Variants in COL4A6 observed in about 807,000 individuals in gnomAD.
COL4A6 encodes the protein collagen type IV alpha 6 chain, also known as collagen alpha-6(IV) chain.
A neutral mutation model predicts 126.7 loss-of-function variants in COL4A6; 59 were observed. That is an observed-to-expected ratio of 0.47 (90% CI 0.38 to 0.58). The LOEUF (loss-of-function observed/expected upper bound fraction) is 0.58. Ranked by LOEUF, COL4A6 falls within the 20% of genes least tolerant of loss-of-function variation. The probability of loss-of-function intolerance (pLI) is 0.00; values close to 1 mark genes in which losing one functional copy is unlikely to be tolerated. For missense variants in COL4A6, 1,285 were observed against 1,337.3 expected, an observed-to-expected ratio of 0.96 and a Z score of 0.61; for synonymous variants, 547 against 496.6, an observed-to-expected ratio of 1.10 and a Z score of -1.35.
chrX:108,407,279 T>C (rs180894012), intron 2 of COL4A6, among the ~76,000 whole-genome samples: 60 of 112,384 alleles, frequency 5.3e-4, no homozygotes, highest in African/African-American at 1.9e-3. Context: ...CAGAGGATAT[T>C]AAGGCCTTCA....
intron 3 of COL4A6, among the ~76,000 whole-genome samples, chrX:108,270,608 T>C (rs1253104330): frequency 9.0e-6 from 1 of 111,716 alleles, no homozygotes; most frequent in Non-Finnish European, 1.9e-5. Context: ...AGCCACTGGG[T>C]TTTGGAGTGG....
intron 3 of COL4A6, chrX:108,268,939 C>T: frequency 3.9e-6 from 1 of 259,086 alleles, no homozygotes; most frequent in Non-Finnish European, 7.3e-6. Context: ...GTTCTACCAT[C>T]ATAGAGGCCA....
intron 8 of COL4A6, among the ~76,000 whole-genome samples, chrX:108,206,954 G>A: frequency 9.0e-6 from 1 of 111,414 alleles, no homozygotes; most frequent in Non-Finnish European, 1.9e-5. Context: ...GGGTGAATTG[G>A]GGCAGAGATT....
In COL4A6 at chrX:108,156,019, C is replaced by T. The variant is rs780268482; in HGVS notation, c.*981G>A. ...ACCATTTAACAAAGTCTTTAACATC[C>T]TCAGAATACAAGGAAACCAACACTG... On this transcript the variant is annotated 3_prime_UTR_variant, in exon 45 of 45. Coordinates refer to ENST00000334504, the MANE Select transcript of COL4A6 (RefSeq NM_033641.4). 3 of 112,193 alleles carry T rather than the reference C, an allele frequency of 2.7e-5. 1 individual carries two copies. In the East Asian group the frequency reaches 8.4e-4, roughly 31 times the overall value. The allele number at this position is 112,193 out of a possible 1,213,427, so 9.2% of individuals were successfully genotyped here. A position where few individuals can be genotyped will look rare whatever the true frequency, so the allele number is the denominator to read the frequency against.
rs2034301438 is a variant in COL4A6, at chrX:108,171,459, C to T, written c.3205G>A (p.Asp1069Asn). Residue 1069 changes from aspartate (D) to asparagine (N), a missense_variant and splice_region_variant, in exon 33 of 45, where the codon GAC (aspartate) becomes AAC (asparagine). Physicochemically the swap from Asp to Asn is conservative, Grantham distance 23. Coordinates refer to ENST00000334504, the MANE Select transcript of COL4A6 (RefSeq NM_033641.4). Reference protein sequence around the residue: ...GASGLPGLKGDNGQTVEISGS... With the variant: ...GASGLPGLKGNNGQTVEISGS... ...GAAATTTCAACTGTCTGGCCGTTGT[C>T]TCCTGAGGATTCCAATACATTGTTT... 8.3e-7 allele frequency: 1 copy of T among 1,205,280 alleles called. No homozygotes were observed. The highest frequency in any genetic ancestry group is 1.1e-6 in the Non-Finnish European group (1 of 890,246).
At chrX:108,335,986 G>A (rs752320625) in intron 2 of COL4A6, among the ~76,000 whole-genome samples, 4 of 111,467 alleles carry the variant, frequency 3.6e-5, no homozygotes, top group East Asian at 2.8e-4. Context: ...CTTGCTCAAC[G>A]TCGGCCAACT....
At chrX:108,258,587 G>A (rs1468131885) in intron 3 of COL4A6, among the ~76,000 whole-genome samples, 1 of 111,962 alleles carries the variant, frequency 8.9e-6, no homozygotes, top group Non-Finnish European at 1.9e-5. Flanking sequence ...AGGAGGGAAG[G>A]TAAACTACCT....
chrX:108,302,808 C>T (rs1569416356), intron 3 of COL4A6, among the ~76,000 whole-genome samples: 3 of 111,202 alleles, frequency 2.7e-5, no homozygotes, highest in Non-Finnish European at 5.7e-5. Context: ...TGAAAATACA[C>T]ATGTTACATA....
chrX:108,344,527 C>T (rs1372812648), intron 2 of COL4A6, among the ~76,000 whole-genome samples: 1 of 111,924 alleles, frequency 8.9e-6, no homozygotes, highest in Non-Finnish European at 1.9e-5. Context: ...TAAGGCCTGT[C>T]CAGAAGGCTT....
chrX:108,218,291 C>T (rs185064068), intron 5 of COL4A6, among the ~76,000 whole-genome samples: 4 of 112,438 alleles, frequency 3.6e-5, no homozygotes, highest in African/African-American at 1.3e-4. Flanking sequence ...CCAGTGGCTC[C>T]CAGAAGATAC....
At chrX:108,383,856 T>A in intron 2 of COL4A6, 2 of 487,021 alleles carry the variant, frequency 4.1e-6, no homozygotes, top group South Asian at 6.3e-5. Context: ...GTCACATGCA[T>A]GATATTGATG....
intron 40 of COL4A6, 142 bp downstream of exon 40, chrX:108,164,458 A>C (rs1445577710): frequency 1.8e-6 from 1 of 541,503 alleles, no homozygotes; most frequent in Non-Finnish European, 3.1e-6. Flanking sequence ...AGGTAGAGAA[A>C]CTGCCTCTCT....
intron 3 of COL4A6, among the ~76,000 whole-genome samples, chrX:108,246,775 A>G (rs922998732): frequency 9.1e-6 from 1 of 110,150 alleles, no homozygotes; most frequent in African/African-American, 3.3e-5. Flanking sequence ...ACCACTTCCT[A>G]TCTACACAGG....
intron 37 of COL4A6, among the ~76,000 whole-genome samples, chrX:108,166,721 A>G (rs1277231829): frequency 8.9e-6 from 1 of 112,094 alleles, no homozygotes; most frequent in Admixed American, 9.5e-5. Context: ...AAAGAAAACT[A>G]GTAGCTAAGC....
chrX:108,298,328 G>A (rs766333322), intron 3 of COL4A6, among the ~76,000 whole-genome samples: 2 of 113,084 alleles, frequency 1.8e-5, no homozygotes, highest in South Asian at 7.4e-4. Context: ...GGCCACTCTG[G>A]CTCTGGCCGT....
intron 2 of COL4A6, among the ~76,000 whole-genome samples, chrX:108,399,477 T>A (rs1168370597): frequency 9.0e-6 from 1 of 111,305 alleles, no homozygotes; most frequent in Non-Finnish European, 1.9e-5. Context: ...ATACTACAAA[T>A]CAGGGAAAAC....
rs371242586 is a variant in COL4A6, at chrX:108,352,286, A to T, written c.64-41458T>A. ...GAATGTGAATACAACCCAACATTTTACTCTGTGGAATGTGAATAGCAAAGT... is the reference window on the plus strand; with the variant it reads ...GAATGTGAATACAACCCAACATTTTTCTCTGTGGAATGTGAATAGCAAAGT... On this transcript the variant is annotated intron_variant, in intron 2 of 44. Coordinates refer to ENST00000334504, the MANE Select transcript of COL4A6 (RefSeq NM_033641.4). Among the ~76,000 whole-genome samples the T allele has an allele frequency of 2.0e-3, 225 of 112,587 alleles. 4 individuals are homozygous for T. In the South Asian group the frequency reaches 0.075, roughly 38 times the overall value.
intron 2 of COL4A6, among the ~76,000 whole-genome samples, chrX:108,362,069 G>A (rs2040097506): frequency 9.0e-6 from 1 of 110,995 alleles, no homozygotes; most frequent in African/African-American, 3.3e-5. Flanking sequence ...GTGTGTGTGT[G>A]TGTGTGTGTG....
intron 2 of COL4A6, among the ~76,000 whole-genome samples, 195 bp downstream of exon 2, chrX:108,437,747 C>A (rs1049674026): frequency 9.0e-6 from 1 of 111,567 alleles, no homozygotes. Flanking sequence ...TGGAAGATAT[C>A]TTGGTCCCAA....
Sources: gnomAD v4.1 joint callset for allele counts (sites outside exome capture counted in the v4.1 genomes callset) on GRCh38, gnomAD v4.1.1 for gene constraint, MANE v1.5 for transcripts, NCBI Gene and HGNC (gene_info 2026-07-23, HGNC 2026-07-21) for gene names.